The following KCNMA1 variants were observed in gnomAD, a reference collection of about 807,000 sequenced individuals.
KCNMA1 encodes Calcium-activated potassium channel subunit alpha-1.
In KCNMA1, 29 loss-of-function variants were observed where a neutral mutation model predicts 140.0. That is an observed-to-expected ratio of 0.21 (90% CI 0.15 to 0.28). KCNMA1 has a LOEUF of 0.28. Among genes scored for constraint, KCNMA1 ranks in the 10% least tolerant of loss-of-function variants. The pLI, the probability that KCNMA1 is intolerant of heterozygous loss-of-function variation, is 1.00. For missense variants in KCNMA1, 880 were observed against 1,602.2 expected (o/e 0.55, Z 7.70); for synonymous variants, 612 against 611.9 (o/e 1.00, Z 0.00).
chr10:77,451,330 C>T (rs933797304), intron 1 of KCNMA1, among the ~76,000 whole-genome samples: 1 of 152,120 alleles, frequency 6.6e-6, no homozygotes, highest in Non-Finnish European at 1.5e-5. Flanking sequence ...AAAAGAGGAA[C>T]CCTGTGCCCC....
intron 14 of KCNMA1, among the ~76,000 whole-genome samples, chr10:77,044,516 G>C (rs910101288): frequency 1.3e-5 from 2 of 152,056 alleles, no homozygotes; most frequent in East Asian, 3.9e-4. Context: ...AAGTGTGGTA[G>C]CACACCCCTG....
intron 1 of KCNMA1, among the ~76,000 whole-genome samples, chr10:77,453,354 AATAAATAAAT>A (rs1000933102): frequency 4.2e-4 from 41 of 98,074 alleles, no homozygotes; most frequent in South Asian, 2.1e-3. Flanking sequence ...AGAGGTAAAA[AATAAATAAAT>A]ATAAATAAAT....
chr10:77,426,536 G>A (rs914062097), intron 1 of KCNMA1, among the ~76,000 whole-genome samples: 1 of 152,222 alleles, frequency 6.6e-6, no homozygotes, highest in African/African-American at 2.4e-5. Flanking sequence ...CTGCGCTAGA[G>A]TTCGTGTTAG....
chr10:77,459,889 A>C (rs1328735317), intron 1 of KCNMA1, among the ~76,000 whole-genome samples: 1 of 152,214 alleles, frequency 6.6e-6, no homozygotes, highest in Non-Finnish European at 1.5e-5. Flanking sequence ...CACAATAACA[A>C]TAACTTTCCA....
intron 2 of KCNMA1, among the ~76,000 whole-genome samples, chr10:77,360,394 G>A (rs947227087): frequency 2.2e-4 from 32 of 145,404 alleles, no homozygotes; most frequent in Admixed American, 1.6e-3. Flanking sequence ...GTGAGCCCAG[G>A]GGCCAGAGAG....
At chr10:76,930,631 A>T (rs1157415140) in intron 23 of KCNMA1, among the ~76,000 whole-genome samples, 1 of 152,210 alleles carries the variant, frequency 6.6e-6, no homozygotes, top group Non-Finnish European at 1.5e-5. Flanking sequence ...GTATATATCC[A>T]ACAGAAATGA....
At chr10:76,984,437 G>A (rs113324886) in intron 19 of KCNMA1, among the ~76,000 whole-genome samples, 1,617 of 152,154 alleles carry the variant, frequency 0.011, 25 homozygotes, top group African/African-American at 0.037. Flanking sequence ...TGATCTGCCC[G>A]CCTCAGCCTC....
chr10:77,014,865 C>T (rs1412358156), intron 17 of KCNMA1, among the ~76,000 whole-genome samples: 1 of 152,212 alleles, frequency 6.6e-6, no homozygotes, highest in Non-Finnish European at 1.5e-5. Flanking sequence ...ATCTTTGCCT[C>T]TGTCATGCTC....
chr10:77,023,356 T>A (rs1392957890), intron 16 of KCNMA1, among the ~76,000 whole-genome samples: 3 of 152,176 alleles, frequency 2.0e-5, no homozygotes, highest in Admixed American at 6.5e-5. Flanking sequence ...TACATATATA[T>A]TTCTCTCCTC....
At chr10:77,435,966 C>T (rs943161109) in intron 1 of KCNMA1, among the ~76,000 whole-genome samples, 1 of 152,290 alleles carries the variant, frequency 6.6e-6, no homozygotes, top group South Asian at 2.1e-4. Flanking sequence ...TTTTTATTCC[C>T]GATCTTAGAC....
chr10:77,239,789 T>C (rs1599673139), intron 3 of KCNMA1, among the ~76,000 whole-genome samples: 1 of 152,266 alleles, frequency 6.6e-6, no homozygotes. Flanking sequence ...AGTCTAAGTA[T>C]GCCTCCGATT....
intron 1 of KCNMA1, among the ~76,000 whole-genome samples, chr10:77,491,343 C>A (rs2039766105): frequency 6.6e-6 from 1 of 152,116 alleles, no homozygotes; most frequent in African/African-American, 2.4e-5. Context: ...TGTCCGTGCC[C>A]TCAGTTACTA....
intron 1 of KCNMA1, among the ~76,000 whole-genome samples, chr10:77,506,209 C>A (rs1272541386): frequency 6.6e-6 from 1 of 151,898 alleles, no homozygotes; most frequent in Non-Finnish European, 1.5e-5. Flanking sequence ...TCTGGAAGAT[C>A]TGAAACCACC....
At chr10:77,481,598 GC>G (rs1287849266) in intron 1 of KCNMA1, among the ~76,000 whole-genome samples, 2 of 151,876 alleles carry the variant, frequency 1.3e-5, no homozygotes, top group African/African-American at 4.8e-5. Context: ...CACAGTGAAA[GC>G]CCATCTCTAC....
chr10:77,624,905 G>A (rs1182362279), intron 1 of KCNMA1, among the ~76,000 whole-genome samples: 1 of 151,442 alleles, frequency 6.6e-6, no homozygotes, highest in Non-Finnish European at 1.5e-5. Flanking sequence ...GCTTCTAGAG[G>A]GGCTGCAATC....
chr10:77,395,625 C>T (rs1008456205), intron 2 of KCNMA1, among the ~76,000 whole-genome samples: 4 of 152,154 alleles, frequency 2.6e-5, no homozygotes, highest in African/African-American at 4.8e-5. Flanking sequence ...TTGGCAATCT[C>T]GAGGAGGGGG....
chr10:77,064,151 A>G, intron 14 of KCNMA1: 2 of 979,728 alleles, frequency 2.0e-6, no homozygotes, highest in Non-Finnish European at 1.2e-6. Flanking sequence ...CAGCTATAAA[A>G]CCAAGAGGAA....
At chr10:77,622,972 A>C (rs983696137) in intron 1 of KCNMA1, among the ~76,000 whole-genome samples, 6 of 152,244 alleles carry the variant, frequency 3.9e-5, no homozygotes, top group African/African-American at 1.4e-4. Flanking sequence ...GAGGTCAGGA[A>C]GTAAAAAGGA....
At chr10:77,379,415 G>T (rs2095302448) in intron 2 of KCNMA1, among the ~76,000 whole-genome samples, 1 of 151,758 alleles carries the variant, frequency 6.6e-6, no homozygotes, top group African/African-American at 2.4e-5. Flanking sequence ...GGCATTTAAG[G>T]GATACTAATG....
Sources: allele counts gnomAD v4.1 joint callset (sites outside exome capture counted in the v4.1 genomes callset), GRCh38; gene constraint gnomAD v4.1.1; transcripts MANE v1.5; gene names NCBI Gene and HGNC (gene_info 2026-07-23, HGNC 2026-07-21).